The following PCLO variants were observed in gnomAD, a reference collection of about 807,000 sequenced individuals.
The protein encoded by PCLO is protein piccolo.
PCLO carries 82 observed loss-of-function variants against 427.5 expected under a neutral mutation model. The observed-to-expected ratio is 0.19, with a 90% confidence interval of 0.16 to 0.23. The LOEUF is 0.23. PCLO is among the 10% of genes least tolerant of loss of function. PCLO has a pLI of 1.00. For missense variants in PCLO, 6,239 were observed against 6,115.9 expected (o/e 1.02, Z -0.67); for synonymous variants, 2,357 against 2,155.4 (o/e 1.09, Z -2.59).
chr7:82,784,867 T>C lies in PCLO; in HGVS notation c.15007+16651A>G, dbSNP rs114939716. 3.0e-3 allele frequency among the ~76,000 whole-genome samples: 451 copies of C among 152,240 alleles called. 2 individuals carry two copies. The highest frequency in any genetic ancestry group is 0.011 in the African/African-American group (443 of 41,546). Reference sequence around the variant, plus strand: ...TTATTATATGTAGATCTAGATAATTTTTTTCTGACAGTTGCATGGTATTCC... The same window carrying C: ...TTATTATATGTAGATCTAGATAATTCTTTTCTGACAGTTGCATGGTATTCC... On this transcript the variant is annotated intron_variant, in intron 22 of 24. Transcript: ENST00000333891.
intron 6 of PCLO, among the ~76,000 whole-genome samples, chr7:82,921,949 T>C (rs1794605236): frequency 6.6e-6 from 1 of 151,928 alleles, no homozygotes; most frequent in South Asian, 2.1e-4. Context: ...TCAAAAGACA[T>C]TCACATAGCT....
chr7:82,951,859 T>C lies in PCLO; in HGVS notation c.9094A>G (p.Thr3032Ala), dbSNP rs537532047. 54 of 1,611,370 alleles carry C rather than the reference T, an allele frequency of 3.4e-5. No homozygotes were observed. The South Asian group carries it at 5.6e-4, about 17-fold the overall frequency. Reference protein sequence around the residue: ...AVDLTSGRVTTGEVMDYSSKT... With the variant: ...AVDLTSGRVTAGEVMDYSSKT... ...TCTGCTGCCACATCATACTGACCTG[T>C]AGTAACTCTCCCTGAAGTCAGATCT... Residue 3032 changes from threonine to alanine, a missense_variant, in exon 5 of 25, where the codon ACA (threonine) becomes GCA (alanine). Transcript: ENST00000333891.
At chr7:82,792,368 C>G (rs1192077238) in intron 22 of PCLO, among the ~76,000 whole-genome samples, 1 of 149,722 alleles carries the variant, frequency 6.7e-6, no homozygotes, top group Non-Finnish European at 1.5e-5. Context: ...ACTCTGTCAT[C>G]CAGGCTGGGG....
chr7:82,833,654 AATAATTTAGT>A (rs1409367891), intron 16 of PCLO, among the ~76,000 whole-genome samples: 1 of 152,164 alleles, frequency 6.6e-6, no homozygotes, highest in Non-Finnish European at 1.5e-5. Flanking sequence ...AGTATTTTAA[AATAATTTAGT>A]ATAATTCAGA....
At chr7:82,835,790 G>T in intron 15 of PCLO, 97 bp from the exon 16 acceptor site, 1 of 920,230 alleles carries the variant, frequency 1.1e-6, no homozygotes, top group South Asian at 1.5e-5. Flanking sequence ...AAGAAAACAT[G>T]AAAATAATAA....
At chr7:82,794,471 T>C (rs868514914) in intron 22 of PCLO, among the ~76,000 whole-genome samples, 8,398 of 96,262 alleles carry the variant, frequency 0.087, 629 homozygotes, top group African/African-American at 0.19. Context: ...TTTTTTTTTT[T>C]TTTTTTTTTT....
chr7:82,944,002 C>A (rs1179954413), intron 6 of PCLO, among the ~76,000 whole-genome samples: 2 of 151,630 alleles, frequency 1.3e-5, no homozygotes, highest in African/African-American at 4.8e-5. Context: ...AAAAAATTAG[C>A]TGGGCGGGGT....
At chr7:83,159,477 A>T (rs2116704230) in intron 1 of PCLO, among the ~76,000 whole-genome samples, 1 of 152,154 alleles carries the variant, frequency 6.6e-6, no homozygotes, top group Admixed American at 6.5e-5. Flanking sequence ...GTCTACAATG[A>T]ACAAAAAATC....
At chr7:82,764,120 A>C (rs1444300353) in intron 22 of PCLO, among the ~76,000 whole-genome samples, 1 of 151,976 alleles carries the variant, frequency 6.6e-6, no homozygotes, top group Non-Finnish European at 1.5e-5. Flanking sequence ...GACAAAGTAT[A>C]AAGTATGAAA....
chr7:82,981,055 G>A (rs2115774083), intron 3 of PCLO, among the ~76,000 whole-genome samples: 1 of 152,202 alleles, frequency 6.6e-6, no homozygotes, highest in Middle Eastern at 3.4e-3. Context: ...AAAACTGCAT[G>A]TTCTGCACAT....
intron 3 of PCLO, among the ~76,000 whole-genome samples, chr7:83,053,138 A>T (rs762593497): frequency 6.6e-6 from 1 of 151,982 alleles, no homozygotes; most frequent in Admixed American, 6.6e-5. Flanking sequence ...CTTGAAATTT[A>T]CTATACATTC....
intron 3 of PCLO, among the ~76,000 whole-genome samples, chr7:82,988,763 T>C (rs1796309249): frequency 6.6e-6 from 1 of 152,032 alleles, no homozygotes; most frequent in Non-Finnish European, 1.5e-5. Flanking sequence ...TTTGATTGAG[T>C]CAGGGTTTTC....
rs1787681540 is a variant in PCLO, at chr7:82,998,238, TTTTA to T, written c.3301-31755_3301-31752del. On this transcript the variant is annotated intron_variant, in intron 3 of 24. Coordinates refer to ENST00000333891, the MANE Select transcript of PCLO (RefSeq NM_033026.6). ...AACAAGTCACTAATGGGAGTTATGCTTTTATTTGTTTTATCAGCAAGAAACCTAC... is the reference window on the plus strand; with the variant it reads ...AACAAGTCACTAATGGGAGTTATGCTTTTGTTTTATCAGCAAGAAACCTAC... 2.6e-5 allele frequency among the ~76,000 whole-genome samples: 4 copies of T among 151,974 alleles called. No individual in the cohort carries two copies. In the South Asian group the frequency reaches 8.3e-4, roughly 31 times the overall value.
chr7:83,016,334 G>T (rs1227948702), intron 3 of PCLO, among the ~76,000 whole-genome samples: 1 of 152,146 alleles, frequency 6.6e-6, no homozygotes, highest in African/African-American at 2.4e-5. Context: ...GATGTAAAAT[G>T]TGTTTTCAAT....
chr7:83,156,386 T>C lies in PCLO; in HGVS notation c.255A>G (p.Gln85=), dbSNP rs745951420. The change falls in exon 2 of 25, where the codon CAA becomes CAG. Residue 85 remains glutamine, a synonymous_variant. Coordinates refer to ENST00000333891, the MANE Select transcript of PCLO (RefSeq NM_033026.6). ...AAESPSMHRK[Q]ELDSSHPPKQ... ...TTGGAGGATGACTACTATCCAACTC[T>C]TGTTTCCTAGAAGAGTTAAAAAAAA... 1 of 1,536,414 alleles carries C rather than the reference T, an allele frequency of 6.5e-7. No homozygotes were observed. Among genetic ancestry groups the C allele is most frequent in the South Asian group, 1.2e-5 (1 of 80,676 alleles).
intron 16 of PCLO, among the ~76,000 whole-genome samples, chr7:82,828,550 C>A (rs924679816): frequency 6.6e-6 from 1 of 152,142 alleles, no homozygotes; most frequent in Non-Finnish European, 1.5e-5. Flanking sequence ...TGCTATTTTA[C>A]AATTGATGAA....
At position 82,954,210 on chromosome 7, in the gene PCLO, T is replaced by C. The variant is rs911665815; in HGVS notation, c.6743A>G (p.Asp2248Gly). The C allele has an allele frequency of 6.2e-7, 1 of 1,613,608 alleles. No homozygotes were observed. Among genetic ancestry groups the C allele is most frequent in the African/African-American group, 1.3e-5 (1 of 74,938 alleles). ...TCTACCATCTGGTGGGGCAGTCCGA[T>C]CTAAAGATACACTTATTTCTTCTGG... ...DYPEEISVSL[D>G]RTAPPDGRAS... Residue 2248 changes from aspartate to glycine, a missense_variant, in exon 5 of 25, where the codon GAT becomes GGT. Physicochemically the swap from Asp to Gly is moderately conservative, Grantham distance 94 (BLOSUM62 -1). This residue lies in a region of PCLO where 4,677 missense variants were observed against 4,468.4 expected (regional missense o/e 1.05). Transcript: ENST00000333891.
At position 82,953,182 on chromosome 7, in the gene PCLO, T is replaced by A; in HGVS notation, c.7771A>T (p.Thr2591Ser). ...VVITLPSEPG[T>S]PTDSSASQAI... is the part of the protein sequence containing the mutation. Reference sequence around the variant, plus strand: ...TGACTAGCAGAAGAATCTGTTGGAGTCCCTGGTTCAGATGGCAATGTAATA... The same window carrying A: ...TGACTAGCAGAAGAATCTGTTGGAGACCCTGGTTCAGATGGCAATGTAATA... The change falls in exon 5 of 25, where the codon ACT (threonine) becomes TCT (serine). Residue 2591 changes from threonine to serine, a missense_variant. Physicochemically the swap from Thr to Ser is moderately conservative, Grantham distance 58. Coordinates refer to ENST00000333891, the MANE Select transcript of PCLO (RefSeq NM_033026.6). 1 of 1,613,758 alleles carries A rather than the reference T, an allele frequency of 6.2e-7. No homozygotes were observed. Among genetic ancestry groups the A allele is most frequent in the Non-Finnish European group, 8.5e-7 (1 of 1,179,836 alleles).
intron 3 of PCLO, among the ~76,000 whole-genome samples, chr7:82,996,855 C>T (rs556688393): frequency 4.5e-4 from 68 of 152,080 alleles, no homozygotes; most frequent in Middle Eastern, 3.4e-3. Flanking sequence ...ATCTAAGCAT[C>T]TAGCTGAAAA....
Sources: allele counts gnomAD v4.1 joint callset (sites outside exome capture counted in the v4.1 genomes callset), GRCh38; gene constraint gnomAD v4.1.1; regional missense constraint gnomAD v4.1.1; transcripts MANE v1.5; gene names NCBI Gene and HGNC (gene_info 2026-07-23, HGNC 2026-07-21).